The following CTIF variants were observed in gnomAD, a reference collection of about 807,000 sequenced individuals.
The protein encoded by CTIF is cap binding complex dependent translation initiation factor.
CTIF carries 21 observed loss-of-function variants against 66.0 expected under a neutral mutation model. That is an observed-to-expected ratio of 0.32 (90% CI 0.23 to 0.46). The LOEUF is 0.46. Ranked by LOEUF, CTIF falls within the 20% of genes least tolerant of loss-of-function variation. The pLI, the probability that CTIF is intolerant of heterozygous loss-of-function variation, is 1.00. For missense variants in CTIF, 739 were observed against 812.7 expected, an observed-to-expected ratio of 0.91 and a Z score of 1.10; for synonymous variants, 345 against 326.4, an observed-to-expected ratio of 1.06 and a Z score of -0.62.
At position 48,741,730 on chromosome 18, in the gene CTIF, A is replaced by C. The variant is rs181508351; in HGVS notation, c.585-16189A>C. ...ATGAACCACCATGCCCGGCCGACCA[A>C]GGCCATCTTTAAGAGGCCTGGCTCA... On this transcript the variant is annotated intron_variant, in intron 7 of 11. Transcript: ENST00000256413. Among the ~76,000 whole-genome samples the C allele has an allele frequency of 5.7e-4, 87 of 152,220 alleles. No homozygotes were observed. The East Asian group carries it at 8.9e-3, about 16-fold the overall frequency.
At chr18:48,553,660 C>CA (rs1555644182) in intron 1 of CTIF, among the ~76,000 whole-genome samples, 1 of 132,348 alleles carries the variant, frequency 7.6e-6, no homozygotes, top group African/African-American at 3.5e-5. Context: ...TTTCTTTTTC[C>CA]TTTTTTTTTT....
Position 48,758,405 on chromosome 18 carries a change from G to A in CTIF, c.1071G>A (p.Lys357=). Residue 357 remains lysine (K), a splice_region_variant and synonymous_variant, in exon 8 of 12, where the codon AAG becomes AAA. Transcript: ENST00000256413. ...GACTGCGGCGAAGGCTAAAGGAAAA[G>A]GTACCGGTAATTGAATTTTTGTTCT... The part of the protein sequence containing the change: ...KDRLRRRLKE[K]DEVAVETTTP... 1 of 1,569,828 alleles carries A rather than the reference G, an allele frequency of 6.4e-7. No homozygotes were observed. Among genetic ancestry groups the A allele is most frequent in the Non-Finnish European group, 8.6e-7 (1 of 1,160,320 alleles).
chr18:48,803,154 A>C (rs192603873), intron 9 of CTIF, among the ~76,000 whole-genome samples: 52 of 152,304 alleles, frequency 3.4e-4, no homozygotes, highest in Middle Eastern at 3.4e-3. Context: ...TGCCAATAGA[A>C]ATATGCTGGG....
intron 6 of CTIF, among the ~76,000 whole-genome samples, chr18:48,684,139 G>A (rs1282496281): frequency 6.6e-6 from 1 of 152,200 alleles, no homozygotes; most frequent in East Asian, 1.9e-4. Context: ...CTCCAACGTA[G>A]TATAATGTGG....
intron 7 of CTIF, among the ~76,000 whole-genome samples, chr18:48,737,260 C>T (rs77937572): frequency 0.033 from 5,022 of 152,268 alleles, 275 homozygotes; most frequent in African/African-American, 0.11. Flanking sequence ...GAGCTGGGCT[C>T]CCCAAGGTGG....
At chr18:48,567,092 C>T (rs2089296384) in intron 1 of CTIF, 1 of 152,200 alleles carries the variant, frequency 6.6e-6, no homozygotes, top group South Asian at 2.1e-4. Flanking sequence ...AGCAGGTGAA[C>T]AGAAGAGACA....
At chr18:48,628,303 G>A (rs551333202) in intron 2 of CTIF, among the ~76,000 whole-genome samples, 9 of 152,316 alleles carry the variant, frequency 5.9e-5, no homozygotes, top group Admixed American at 4.6e-4. Context: ...GGAGGATAAT[G>A]AGCTGGGTGC....
chr18:48,857,589 T>C lies in CTIF; in HGVS notation c.1529T>C (p.Leu510Pro). Residue 510 changes from leucine (L) to proline (P), a missense_variant and splice_region_variant, in exon 11 of 12, where the codon CTC (leucine) becomes CCC (proline). Transcript: ENST00000256413. ...GCTCTCTGCCCCTCTCTTCCACAGC[T>C]CTTGCAATCTCAGGATGTGAAGGAA... ...VCPIYTCLRE[L>P]LQSQDVKEDA... The C allele has an allele frequency of 6.2e-7, 1 of 1,609,334 alleles. No individual in the cohort carries two copies. The highest frequency in any genetic ancestry group is 8.5e-7 in the Non-Finnish European group (1 of 1,177,832).
intron 10 of CTIF, among the ~76,000 whole-genome samples, chr18:48,848,026 C>T (rs184019169): frequency 6.6e-6 from 1 of 152,342 alleles, no homozygotes; most frequent in Admixed American, 6.5e-5. Flanking sequence ...GATGGGCCAG[C>T]TGTCCCGGAG....
chr18:48,821,397 A>G (rs2068480768), intron 10 of CTIF, among the ~76,000 whole-genome samples: 1 of 152,224 alleles, frequency 6.6e-6, no homozygotes, highest in Non-Finnish European at 1.5e-5. Context: ...GAGAGCAGAG[A>G]GGTCAGGCAA....
At chr18:48,733,965 G>A (rs187588558) in intron 7 of CTIF, among the ~76,000 whole-genome samples, 3 of 152,238 alleles carry the variant, frequency 2.0e-5, no homozygotes, top group South Asian at 2.1e-4. Flanking sequence ...TCAAGGAGGC[G>A]GGTACAATTT....
At position 48,664,589 on chromosome 18, in the gene CTIF, G is replaced by A. The variant is rs778031485; in HGVS notation, c.431+38G>A. The A allele has an allele frequency of 2.2e-5, 35 of 1,577,134 alleles. No homozygotes were observed. In the South Asian group the frequency reaches 3.0e-4, roughly 13 times the overall value. ...GGGGCTCTTACCCAGGGTGGGGTGG[G>A]GCAGGGGACGGGAGTGGCCTTTGCC... On this transcript the variant is annotated intron_variant, in intron 5 of 11. Transcript: ENST00000256413.
At chr18:48,603,138 GTGGATGGA>G (rs143398766) in intron 1 of CTIF, among the ~76,000 whole-genome samples, 8 of 133,080 alleles carry the variant, frequency 6.0e-5, no homozygotes, top group East Asian at 4.4e-4. Context: ...TGGCTAGATA[GTGGATGGA>G]TGGATGGATG....
chr18:48,709,581 G>A (rs574662737), intron 6 of CTIF, among the ~76,000 whole-genome samples: 1 of 152,366 alleles, frequency 6.6e-6, no homozygotes, highest in East Asian at 1.9e-4. Flanking sequence ...CGCCGGTAGG[G>A]AGCCTCGGCT....
At chr18:48,649,476 T>G (rs181717342) in intron 3 of CTIF, among the ~76,000 whole-genome samples, 23 of 152,290 alleles carry the variant, frequency 1.5e-4, no homozygotes, top group African/African-American at 5.5e-4. Flanking sequence ...GAGCCAACCA[T>G]AGCTCAGCAA....
chr18:48,735,176 T>C (rs1276035658), intron 7 of CTIF, among the ~76,000 whole-genome samples: 1 of 152,028 alleles, frequency 6.6e-6, no homozygotes, highest in African/African-American at 2.4e-5. Context: ...GCTTTGCAGT[T>C]TAGAGTAGCC....
chr18:48,845,473 C>A (rs2069050288), intron 10 of CTIF, among the ~76,000 whole-genome samples: 2 of 152,208 alleles, frequency 1.3e-5, no homozygotes, highest in African/African-American at 4.8e-5. Context: ...TCCTGTTCTG[C>A]TTAACTCTCT....
At chr18:48,804,897 C>A (rs927904839) in intron 9 of CTIF, among the ~76,000 whole-genome samples, 2 of 152,306 alleles carry the variant, frequency 1.3e-5, no homozygotes, top group Admixed American at 1.3e-4. Flanking sequence ...CATCCAGGCC[C>A]CAGTCTCATC....
chr18:48,717,507 A>T (rs371506496), intron 7 of CTIF, among the ~76,000 whole-genome samples: 1 of 152,072 alleles, frequency 6.6e-6, no homozygotes, highest in Non-Finnish European at 1.5e-5. Flanking sequence ...CCTAAGTGTC[A>T]GTCATCAGAT....
Sources: gnomAD v4.1 joint callset for allele counts (sites outside exome capture counted in the v4.1 genomes callset) on GRCh38, gnomAD v4.1.1 for gene constraint, MANE v1.5 for transcripts, NCBI Gene and HGNC (gene_info 2026-07-23, HGNC 2026-07-21) for gene names.